SLC7A14: variants seen among roughly 807,000 people sequenced by gnomAD.
SLC7A14 encodes the protein gamma-aminobutyric acid transporter SLC7A14.
SLC7A14 carries 37 observed loss-of-function variants against 60.2 expected under a neutral mutation model. The observed-to-expected ratio is 0.61, with a 90% CI of 0.47 to 0.81. SLC7A14 has a LOEUF of 0.81. Ranked by LOEUF, SLC7A14 falls within the 30% of genes least tolerant of loss-of-function variation. The pLI, the probability that SLC7A14 is intolerant of heterozygous loss-of-function variation, is 0.00. For synonymous variants in SLC7A14, 399 were observed against 395.8 expected (o/e 1.01, Z -0.10); for missense variants, 886 against 982.7 (o/e 0.90, Z 1.32).
rs1407394773 is a variant in SLC7A14 at position 170,532,669 on chromosome 3, G to C, written c.-152-5581C>G. Among the ~76,000 whole-genome samples, 1 of 150,762 alleles carries C rather than the reference G, an allele frequency of 6.6e-6. No individual in the cohort carries two copies. Among genetic ancestry groups the C allele is most frequent in the Non-Finnish European group, 1.5e-5 (1 of 67,914 alleles). On this transcript the variant is annotated intron_variant, in intron 1 of 7. Transcript: ENST00000231706. The surrounding 1 kb of genome is among the most constrained non-coding windows in gnomAD (Gnocchi z 4.0). ...TCACCCTGCTGTGGCCCCTGACCAGGTGTTTTTTTTTTTTTGTTGTTGTTG... is the reference window on the plus strand; with the variant it reads ...TCACCCTGCTGTGGCCCCTGACCAGCTGTTTTTTTTTTTTTGTTGTTGTTG...
chr3:170,535,093 C>T lies in SLC7A14; in HGVS notation c.-152-8005G>A, dbSNP rs759458262. ...TCTCCTTTTCCATGGACCTCAGGTC[C>T]GGTGCCTCAGGTCTTTGCTTGGGGC... On this transcript the variant is annotated intron_variant, in intron 1 of 7. Coordinates refer to ENST00000231706, the MANE Select transcript of SLC7A14 (RefSeq NM_020949.3). This position sits in a 1 kb window ranked among gnomAD's most constrained non-coding sequence, Gnocchi z 4.3. Among the ~76,000 whole-genome samples the T allele has an allele frequency of 6.6e-6, 1 of 151,996 alleles. No individual in the cohort carries two copies. The highest frequency in any genetic ancestry group is 2.4e-5 in the African/African-American group (1 of 41,376).
intron 1 of SLC7A14, among the ~76,000 whole-genome samples, chr3:170,545,026 C>A (rs1714136284): frequency 6.6e-6 from 1 of 152,216 alleles, no homozygotes; most frequent in East Asian, 1.9e-4. Context: ...AACTGAAGAA[C>A]TGAATTTTAC....
At chr3:170,468,912 A>G (rs939579219) in intron 7 of SLC7A14, among the ~76,000 whole-genome samples, 1 of 152,162 alleles carries the variant, frequency 6.6e-6, no homozygotes, top group Non-Finnish European at 1.5e-5. Context: ...AACCACTCTG[A>G]TACCCTAGCC....
At chr3:170,533,679 G>GTGGT (rs1553872453) in intron 1 of SLC7A14, among the ~76,000 whole-genome samples, 3 of 143,728 alleles carry the variant, frequency 2.1e-5, no homozygotes, top group Admixed American at 6.8e-5. Flanking sequence ...GTGTGTGTGT[G>GTGGT]GTGTGTGTGT....
intron 2 of SLC7A14, among the ~76,000 whole-genome samples, chr3:170,513,595 A>C (rs1713054807): frequency 6.6e-6 from 1 of 152,238 alleles, no homozygotes; most frequent in Admixed American, 6.5e-5. Context: ...TATGAGAGTG[A>C]CGAGTGGTGA....
chr3:170,480,035 A>G (rs1322507877), intron 7 of SLC7A14, among the ~76,000 whole-genome samples: 5 of 152,236 alleles, frequency 3.3e-5, no homozygotes, highest in Non-Finnish European at 5.9e-5. Flanking sequence ...ATCCTGATAT[A>G]GAAAGAACTT....
At chr3:170,494,787 C>T (rs772881739) in intron 4 of SLC7A14, among the ~76,000 whole-genome samples, 1 of 152,210 alleles carries the variant, frequency 6.6e-6, no homozygotes, top group Non-Finnish European at 1.5e-5. Context: ...CTTAATGTTC[C>T]TCCAAGATTC....
chr3:170,542,218 A>T (rs1188653724), intron 1 of SLC7A14, among the ~76,000 whole-genome samples: 1 of 152,178 alleles, frequency 6.6e-6, no homozygotes, highest in Non-Finnish European at 1.5e-5. Context: ...TACTGGAAAG[A>T]TGGAATCTGC....
At chr3:170,543,570 A>G (rs1714084153) in intron 1 of SLC7A14, among the ~76,000 whole-genome samples, 1 of 150,168 alleles carries the variant, frequency 6.7e-6, no homozygotes, top group South Asian at 2.1e-4. Flanking sequence ...AATCGCTTGA[A>G]CCCCAGAGGT....
chr3:170,549,432 C>T (rs1714275768), intron 1 of SLC7A14, among the ~76,000 whole-genome samples: 1 of 152,068 alleles, frequency 6.6e-6, no homozygotes, highest in African/African-American at 2.4e-5. Context: ...CCAGGATGGT[C>T]TCAATCTCCC....
At chr3:170,495,666 G>A in intron 4 of SLC7A14, 1 of 868,996 alleles carries the variant, frequency 1.2e-6, no homozygotes. Context: ...GCTGAGCCCT[G>A]TTAACCTGGA....
chr3:170,526,500 A>C lies in SLC7A14; in HGVS notation c.304+133T>G, dbSNP rs938243123. The stretch of plus-strand genomic sequence containing the variant: ...CCTAACCTCCCTGGCAGTCAAGGCA[A>C]AAAAGAGCATGATGATCCACTTTTC... On this transcript the variant is annotated intron_variant, in intron 2 of 7. Transcript: ENST00000231706. The C allele has an allele frequency of 6.1e-6, 7 of 1,140,764 alleles. No homozygotes were observed. The African/African-American group carries it at 1.1e-4, about 18-fold the overall frequency. The allele number at this position is 1,140,764 out of a possible 1,614,324, so 70.7% of individuals were successfully genotyped here. A position where few individuals can be genotyped will look rare whatever the true frequency, so the allele number is the denominator to read the frequency against.
chr3:170,496,596 G>C, intron 4 of SLC7A14: 1 of 1,590,632 alleles, frequency 6.3e-7, no homozygotes, highest in Non-Finnish European at 8.6e-7. Flanking sequence ...CATGGAGATC[G>C]CCACCTACAG....
chr3:170,550,887 G>A (rs373285342), intron 1 of SLC7A14, among the ~76,000 whole-genome samples: 2 of 152,072 alleles, frequency 1.3e-5, no homozygotes, highest in Admixed American at 6.6e-5. Context: ...TTTTAAAAGC[G>A]AAGTGTAATC....
At chr3:170,470,391 T>C (rs1739863004) in intron 7 of SLC7A14, among the ~76,000 whole-genome samples, 1 of 151,700 alleles carries the variant, frequency 6.6e-6, no homozygotes, top group Non-Finnish European at 1.5e-5. Context: ...GTGGTTACTT[T>C]TTACTTTGTG....
At chr3:170,548,758 C>A (rs1480132393) in intron 1 of SLC7A14, among the ~76,000 whole-genome samples, 1 of 152,190 alleles carries the variant, frequency 6.6e-6, no homozygotes, top group Admixed American at 6.5e-5. Flanking sequence ...CTGACTAACC[C>A]TTCAGGTCTC....
At chr3:170,479,760 G>T (rs1222781948) in intron 7 of SLC7A14, among the ~76,000 whole-genome samples, 1 of 152,154 alleles carries the variant, frequency 6.6e-6, no homozygotes, top group Non-Finnish European at 1.5e-5. Flanking sequence ...TGAAGTGAGA[G>T]ATGTTAAATG....
intron 1 of SLC7A14, among the ~76,000 whole-genome samples, chr3:170,563,776 T>A (rs546937419): frequency 6.6e-6 from 1 of 152,168 alleles, no homozygotes; most frequent in Non-Finnish European, 1.5e-5. Flanking sequence ...AAACAGAGTA[T>A]CCCATTTTCA....
intron 1 of SLC7A14, among the ~76,000 whole-genome samples, chr3:170,537,428 TC>T (rs1352321700): frequency 6.6e-6 from 1 of 152,136 alleles, no homozygotes; most frequent in Non-Finnish European, 1.5e-5. Context: ...CTCTGCAGAG[TC>T]CCCTTTGTCA....
Sources: allele counts gnomAD v4.1 joint callset (sites outside exome capture counted in the v4.1 genomes callset), GRCh38; gene constraint gnomAD v4.1.1; non-coding constraint Gnocchi (gnomAD v3.1); transcripts MANE v1.5; gene names NCBI Gene and HGNC (gene_info 2026-07-23, HGNC 2026-07-21).